Variants in FAF1 observed in about 807,000 individuals in gnomAD.
FAF1 encodes FAS-associated factor 1.
Under a neutral mutation model 92.5 loss-of-function variants are expected in FAF1, and 25 were observed. The observed-to-expected ratio is 0.27, with a 90% CI of 0.20 to 0.38. FAF1 has a LOEUF of 0.38. Among genes scored for constraint, FAF1 ranks in the 10% least tolerant of loss-of-function variants. FAF1 has a pLI of 1.00. For synonymous variants in FAF1, 234 were observed against 273.2 expected (o/e 0.86, Z 1.42); for missense variants, 636 against 793.3 (o/e 0.80, Z 2.38).
intron 18 of FAF1, among the ~76,000 whole-genome samples, chr1:50,453,525 T>G (rs1646318261): frequency 6.6e-6 from 1 of 152,228 alleles, no homozygotes; most frequent in Non-Finnish European, 1.5e-5. Flanking sequence ...GCACGTTCAA[T>G]ATCTTAAATG....
intron 3 of FAF1, among the ~76,000 whole-genome samples, chr1:50,792,677 C>G (rs1355150648): frequency 6.6e-6 from 1 of 152,136 alleles, no homozygotes. Context: ...TCCATGAGGT[C>G]CTGGAGGATA....
At chr1:50,675,635 T>C (rs1265187393) in intron 7 of FAF1, among the ~76,000 whole-genome samples, 2 of 152,200 alleles carry the variant, frequency 1.3e-5, no homozygotes, top group Non-Finnish European at 2.9e-5. Flanking sequence ...TGGCAACCAG[T>C]GCACATTTAA....
intron 1 of FAF1, among the ~76,000 whole-genome samples, chr1:50,868,968 G>A (rs1233211333): frequency 2.6e-5 from 4 of 152,044 alleles, no homozygotes; most frequent in Non-Finnish European, 5.9e-5. Context: ...GATTCTACTT[G>A]TTCTATTAAT....
At chr1:50,590,198 C>T (rs1651436111) in intron 9 of FAF1, among the ~76,000 whole-genome samples, 1 of 152,116 alleles carries the variant, frequency 6.6e-6, no homozygotes, top group Admixed American at 6.5e-5. Context: ...TCTATTTCTG[C>T]AAAAAACCAC....
intron 7 of FAF1, among the ~76,000 whole-genome samples, chr1:50,663,730 A>G (rs1164628156): frequency 1.3e-5 from 2 of 151,626 alleles, no homozygotes; most frequent in Admixed American, 6.6e-5. Flanking sequence ...ATGTGCAAAT[A>G]ATATATAGGC....
intron 13 of FAF1, among the ~76,000 whole-genome samples, chr1:50,565,966 C>T (rs1162758587): frequency 1.3e-5 from 2 of 152,054 alleles, no homozygotes; most frequent in African/African-American, 4.8e-5. Context: ...TGCTTTTCAT[C>T]ACCTTTAACT....
intron 2 of FAF1, among the ~76,000 whole-genome samples, chr1:50,847,253 C>T (rs577039883): frequency 1.1e-4 from 17 of 151,288 alleles, no homozygotes; most frequent in South Asian, 2.1e-4. Context: ...TGATAATAAA[C>T]GTGATTTTAG....
At chr1:50,854,799 C>T (rs1644378184) in intron 2 of FAF1, among the ~76,000 whole-genome samples, 1 of 151,722 alleles carries the variant, frequency 6.6e-6, no homozygotes, top group Non-Finnish European at 1.5e-5. Flanking sequence ...TTGCAATCAC[C>T]GTTTTTTTAG....
At chr1:50,912,427 A>T (rs1241076449) in intron 1 of FAF1, among the ~76,000 whole-genome samples, 1 of 152,140 alleles carries the variant, frequency 6.6e-6, no homozygotes, top group East Asian at 1.9e-4. Context: ...AGTATAGTGG[A>T]AAAGGAGCCT....
At chr1:50,695,591 G>C (rs78884406) in intron 7 of FAF1, among the ~76,000 whole-genome samples, 9 of 151,920 alleles carry the variant, frequency 5.9e-5, no homozygotes, top group Admixed American at 3.9e-4. Flanking sequence ...TAAAATGGAG[G>C]GCCCATCTCT....
rs1456927126 is a variant in FAF1, at chr1:50,583,102, A to G, written c.1032-403T>C. Among the ~76,000 whole-genome samples the G allele has an allele frequency of 6.6e-6, 1 of 151,902 alleles. No homozygotes were observed. Among genetic ancestry groups the G allele is most frequent in the African/African-American group, 2.4e-5 (1 of 41,428 alleles). ...TTAAAAGTCTCCATATTATATTTCA[A>G]CAGAAAATATCACTAAAACAATATC... On this transcript the variant is annotated intron_variant, in intron 11 of 18. Transcript: ENST00000396153. The surrounding 1 kb of genome is among the most constrained non-coding windows in gnomAD (Gnocchi z 4.2).
intron 17 of FAF1, among the ~76,000 whole-genome samples, chr1:50,489,710 C>T (rs1282075975): frequency 6.6e-6 from 1 of 152,088 alleles, no homozygotes; most frequent in African/African-American, 2.4e-5. Context: ...ATGACATGAA[C>T]TCATGGAAAA....
At chr1:50,484,385 A>C (rs1646737241) in intron 17 of FAF1, among the ~76,000 whole-genome samples, 1 of 152,192 alleles carries the variant, frequency 6.6e-6, no homozygotes, top group African/African-American at 2.4e-5. Flanking sequence ...GGACTGTTTT[A>C]ATGGTTCATG....
In FAF1 at chr1:50,462,574, G is replaced by A. The variant is rs769290664; in HGVS notation, c.1869+12890C>T. ...CAATTTGAAGAAAGTATTCTCCCTA[G>A]GCAGTGTGGGAAAGTGGCTGCAGGC... On this transcript the variant is annotated intron_variant, in intron 18 of 18. Transcript: ENST00000396153. Among the ~76,000 whole-genome samples, 22 of 152,260 alleles carry A rather than the reference G, an allele frequency of 1.4e-4. No individual in the cohort carries two copies. The Middle Eastern group carries it at 0.014, about 94-fold the overall frequency.
chr1:50,505,829 C>T (rs1426965368), intron 15 of FAF1, among the ~76,000 whole-genome samples: 1 of 152,132 alleles, frequency 6.6e-6, no homozygotes, highest in Non-Finnish European at 1.5e-5. Flanking sequence ...TTTCAGCCTT[C>T]TAAACTTTCA....
chr1:50,559,250 C>CA (rs545233560), intron 13 of FAF1, among the ~76,000 whole-genome samples: 2,036 of 102,224 alleles, frequency 0.02, 36 homozygotes, highest in African/African-American at 0.061. Context: ...GACTCCGTCT[C>CA]AAAAAAAAAA....
rs140249347 is a variant in FAF1 at position 50,549,499 on chromosome 1, G to T, written c.1269-9771C>A. Among the ~76,000 whole-genome samples, 617 of 152,022 alleles carry T rather than the reference G, an allele frequency of 4.1e-3. 8 individuals are homozygous for T. Among genetic ancestry groups the T allele is most frequent in the African/African-American group, 0.014 (571 of 41,506 alleles). On this transcript the variant is annotated intron_variant, in intron 13 of 18. Coordinates refer to ENST00000396153, the MANE Select transcript of FAF1 (RefSeq NM_007051.3). ...AAGTTTTAAAAAAACAAAATTTAAG[G>T]CTGGGCATGGTGGCTCACGACTGTA...
intron 18 of FAF1, among the ~76,000 whole-genome samples, chr1:50,457,104 C>G (rs1646361791): frequency 6.7e-6 from 1 of 149,602 alleles, no homozygotes; most frequent in Non-Finnish European, 1.5e-5. Context: ...ATGAGGAAGG[C>G]TTGTTCACAC....
chr1:50,529,457 A>G (rs988776638), intron 15 of FAF1, among the ~76,000 whole-genome samples: 2 of 152,198 alleles, frequency 1.3e-5, no homozygotes, highest in African/African-American at 4.8e-5. Flanking sequence ...TGGGATTTGG[A>G]AGAATATAAT....
Sources: gnomAD v4.1 joint callset for allele counts (sites outside exome capture counted in the v4.1 genomes callset) on GRCh38, gnomAD v4.1.1 for gene constraint, Gnocchi (gnomAD v3.1) non-coding constraint, MANE v1.5 for transcripts, NCBI Gene and HGNC (gene_info 2026-07-23, HGNC 2026-07-21) for gene names.